Variants in TENM4 observed in about 807,000 individuals in gnomAD.
TENM4 encodes teneurin-4.
TENM4 carries 82 observed loss-of-function variants against 243.3 expected under a neutral mutation model. That is an observed-to-expected ratio of 0.34 (90% CI 0.28 to 0.40). The LOEUF is 0.40. TENM4 is among the 10% of genes least tolerant of loss of function. The pLI is 1.00. For synonymous variants in TENM4, 1,412 were observed against 1,456.3 expected (o/e 0.97, Z 0.69); for missense variants, 3,138 against 3,673.3 (o/e 0.85, Z 3.77).
intron 3 of TENM4, among the ~76,000 whole-genome samples, chr11:79,198,508 C>G (rs993531194): frequency 6.6e-6 from 1 of 152,192 alleles, no homozygotes; most frequent in Non-Finnish European, 1.5e-5. Context: ...CCTTCACAGT[C>G]TTTATTTCCT....
intron 2 of TENM4, among the ~76,000 whole-genome samples, chr11:79,265,390 G>A (rs1047435191): frequency 4.6e-5 from 7 of 152,154 alleles, no homozygotes; most frequent in South Asian, 2.1e-4. Flanking sequence ...CCCTTGAAAC[G>A]CGGCTCATCC....
chr11:78,942,444 CAAA>C (rs200858107), intron 6 of TENM4, among the ~76,000 whole-genome samples: 16 of 124,828 alleles, frequency 1.3e-4, no homozygotes, highest in East Asian at 2.5e-4. Context: ...GACCCTGTCT[CAAA>C]AAAAAAAAAA....
intron 1 of TENM4, among the ~76,000 whole-genome samples, chr11:79,300,812 T>C (rs1041438886): frequency 5.3e-5 from 8 of 152,226 alleles, no homozygotes; most frequent in African/African-American, 1.7e-4. Context: ...AAGGGTTTGC[T>C]ATTTGTCTTT....
intron 2 of TENM4, among the ~76,000 whole-genome samples, chr11:79,294,100 A>G (rs1321365866): frequency 1.3e-5 from 2 of 152,214 alleles, no homozygotes; most frequent in Admixed American, 1.3e-4. Context: ...TCTTTAATGC[A>G]TGGCTAATGA....
intron 12 of TENM4, among the ~76,000 whole-genome samples, chr11:78,822,864 AG>A (rs1034703128): frequency 6.6e-6 from 1 of 152,230 alleles, no homozygotes; most frequent in African/African-American, 2.4e-5. Context: ...GGCCGGGCAG[AG>A]GGCAGAGGGG....
At position 78,726,062 on chromosome 11, in the gene TENM4, T is replaced by G; in HGVS notation, c.3550+17A>C. 3 of 1,613,378 alleles carry G rather than the reference T, an allele frequency of 1.9e-6. No homozygotes were observed. The highest frequency in any genetic ancestry group is 2.5e-6 in the Non-Finnish European group (3 of 1,179,618). ...TCCACCCCAGCCTGGTTCAAGTAAT[T>G]CTATTAATCCACTTACCACTTTGAA... On this transcript the variant is annotated intron_variant, in intron 23 of 33. Transcript: ENST00000278550.
chr11:78,944,248 G>A (rs535158761), intron 6 of TENM4, among the ~76,000 whole-genome samples: 7 of 151,916 alleles, frequency 4.6e-5, no homozygotes, highest in South Asian at 2.1e-4. Flanking sequence ...TTTGGGGTTC[G>A]TAGTCCTGAC....
chr11:79,254,483 T>C (rs969826178), intron 2 of TENM4, among the ~76,000 whole-genome samples: 1 of 152,218 alleles, frequency 6.6e-6, no homozygotes, highest in African/African-American at 2.4e-5. Context: ...ACTCTTTTGC[T>C]GTGGCCACCC....
At chr11:79,315,838 C>T (rs368021235) in intron 1 of TENM4, among the ~76,000 whole-genome samples, 36 of 152,250 alleles carry the variant, frequency 2.4e-4, no homozygotes, top group African/African-American at 3.4e-4. Context: ...TGAAATGCAA[C>T]GGAAAAGAAT....
intron 7 of TENM4, among the ~76,000 whole-genome samples, chr11:78,902,139 G>A (rs2136325018): frequency 6.6e-6 from 1 of 152,296 alleles, no homozygotes; most frequent in East Asian, 1.9e-4. Flanking sequence ...AGAAGATAAA[G>A]TGGTTCCAGT....
chr11:79,180,512 C>T (rs1863260023), intron 3 of TENM4, among the ~76,000 whole-genome samples: 2 of 151,850 alleles, frequency 1.3e-5, no homozygotes, highest in Admixed American at 6.6e-5. Flanking sequence ...TAAGCATCAG[C>T]GTTCTCATTT....
intron 2 of TENM4, among the ~76,000 whole-genome samples, chr11:79,274,249 A>G (rs1196909371): frequency 6.6e-6 from 1 of 152,266 alleles, no homozygotes; most frequent in Non-Finnish European, 1.5e-5. Context: ...CTTTGGTTAC[A>G]TATTGGCGAC....
At chr11:78,760,699 T>C (rs1856411372) in intron 18 of TENM4, among the ~76,000 whole-genome samples, 1 of 152,166 alleles carries the variant, frequency 6.6e-6, no homozygotes, top group Non-Finnish European at 1.5e-5. Flanking sequence ...TTTTGAGCTC[T>C]TTGAATATCC....
intron 6 of TENM4, among the ~76,000 whole-genome samples, chr11:79,017,296 G>A (rs975367321): frequency 6.6e-6 from 1 of 152,156 alleles, no homozygotes; most frequent in East Asian, 1.9e-4. Flanking sequence ...AGGAAGTGGG[G>A]TAGGTGGGAG....
chr11:79,027,232 A>C (rs1406730483), intron 6 of TENM4, among the ~76,000 whole-genome samples: 3 of 152,204 alleles, frequency 2.0e-5, no homozygotes, highest in Non-Finnish European at 4.4e-5. Context: ...TTCCCTTCTG[A>C]AACCACAGAG....
chr11:78,835,497 T>A (rs575964675), intron 12 of TENM4, among the ~76,000 whole-genome samples: 1 of 152,268 alleles, frequency 6.6e-6, no homozygotes, highest in East Asian at 1.9e-4. Flanking sequence ...AGAGCAAGAC[T>A]CTGTCTCAAA....
At chr11:79,029,015 C>A (rs981858084) in intron 6 of TENM4, among the ~76,000 whole-genome samples, 5 of 152,088 alleles carry the variant, frequency 3.3e-5, no homozygotes, top group Non-Finnish European at 7.4e-5. Flanking sequence ...TCAATAAATT[C>A]TCATCTTAAG....
In TENM4 at chr11:79,362,976, G is replaced by A. The variant is rs536343423; in HGVS notation, c.-320-65433C>T. Among the ~76,000 whole-genome samples the A allele has an allele frequency of 2.2e-4, 34 of 152,354 alleles. No homozygotes were observed. The South Asian group carries it at 7.0e-3, about 32-fold the overall frequency. ...AGCAGTGGCAATAATGTTGGAACAAGCACATTGCCTGACTGGCGATTAGTC... is the reference window on the plus strand; with the variant it reads ...AGCAGTGGCAATAATGTTGGAACAAACACATTGCCTGACTGGCGATTAGTC... On this transcript the variant is annotated intron_variant, in intron 1 of 33. Coordinates refer to ENST00000278550, the MANE Select transcript of TENM4 (RefSeq NM_001098816.3).
chr11:79,393,430 A>G (rs1382613399), intron 1 of TENM4, among the ~76,000 whole-genome samples: 1 of 152,152 alleles, frequency 6.6e-6, no homozygotes, highest in East Asian at 1.9e-4. Context: ...TAAAGACAAA[A>G]TGGGACAACA....
Sources: allele counts gnomAD v4.1 joint callset (sites outside exome capture counted in the v4.1 genomes callset), GRCh38; gene constraint gnomAD v4.1.1; transcripts MANE v1.5; gene names NCBI Gene and HGNC (gene_info 2026-07-23, HGNC 2026-07-21).